PRH1: variants seen among roughly 807,000 people sequenced by gnomAD.
PRH1 encodes salivary acidic proline-rich phosphoprotein 1/2.
In PRH1, 7 loss-of-function variants were observed where a neutral mutation model predicts 7.9. The observed-to-expected ratio is 0.89, with a 90% CI of 0.50 to 1.67. The LOEUF is 1.67. Among genes scored for constraint, PRH1 ranks in the 40% most tolerant of loss-of-function variants. PRH1 has a pLI of 0.00. For missense variants in PRH1, 109 were observed against 223.6 expected, an observed-to-expected ratio of 0.49 and a Z score of 3.27; for synonymous variants, 45 against 80.8, an observed-to-expected ratio of 0.56 and a Z score of 2.38.
At chr12:11,063,578 G>C (rs1307779252) in intron 1 of PRH1, among the ~76,000 whole-genome samples, 1 of 152,038 alleles carries the variant, frequency 6.6e-6, no homozygotes, top group Non-Finnish European at 1.5e-5. Context: ...CAACATGTGA[G>C]ATATAAACAT....
chr12:10,978,730 AC>A (rs1268081102), intron 1 of PRH1, among the ~76,000 whole-genome samples: 1 of 152,208 alleles, frequency 6.6e-6, no homozygotes, highest in Non-Finnish European at 1.5e-5. Flanking sequence ...CGAGCAAAAA[AC>A]AAACACCTCC....
At chr12:11,162,467 T>C (rs944788012) in intron 1 of PRH1, among the ~76,000 whole-genome samples, 1 of 152,198 alleles carries the variant, frequency 6.6e-6, no homozygotes, top group Non-Finnish European at 1.5e-5. Flanking sequence ...TTGGAAGTGG[T>C]AAACAGAACT....
intron 1 of PRH1, among the ~76,000 whole-genome samples, chr12:11,151,137 C>A (rs1349177042): frequency 6.6e-6 from 1 of 152,212 alleles, no homozygotes; most frequent in Non-Finnish European, 1.5e-5. Flanking sequence ...CCTGATACTA[C>A]CCACCTCTCT....
chr12:11,097,228 C>A, intron 1 of PRH1: 1 of 260,270 alleles, frequency 3.8e-6, no homozygotes, highest in South Asian at 2.5e-5. Context: ...CTTTAAGTCC[C>A]ATGGAAACAA....
At chr12:11,065,695 A>T (rs1943778519) in intron 1 of PRH1, among the ~76,000 whole-genome samples, 1 of 152,218 alleles carries the variant, frequency 6.6e-6, no homozygotes, top group African/African-American at 2.4e-5. Context: ...AAGTATTTAT[A>T]ACACCAACTT....
intron 1 of PRH1, among the ~76,000 whole-genome samples, chr12:11,100,393 T>G (rs373833812): frequency 1.3e-5 from 2 of 152,212 alleles, no homozygotes; most frequent in African/African-American, 4.8e-5. Flanking sequence ...GGAAATTGAT[T>G]TGATGTGAGG....
intron 1 of PRH1, chr12:11,078,731 A>C (rs1396113885): frequency 5.9e-5 from 9 of 151,942 alleles, no homozygotes; most frequent in Non-Finnish European, 1.5e-5. Flanking sequence ...CTTGGTCATA[A>C]CTAGGATCAC....
chr12:10,930,535 G>T (rs146595547), intron 2 of PRH1: 16 of 1,519,400 alleles, frequency 1.1e-5, no homozygotes, highest in African/African-American at 2.8e-5. Flanking sequence ...CCTTGGGAAG[G>T]GGGGAGGTTG....
At chr12:11,161,065 T>C (rs939086906) in intron 1 of PRH1, among the ~76,000 whole-genome samples, 2 of 152,202 alleles carry the variant, frequency 1.3e-5, no homozygotes, top group African/African-American at 2.4e-5. Flanking sequence ...GTGGAAATTA[T>C]GTGCACTACT....
chr12:11,032,211 C>A (rs1431267819), intron 1 of PRH1, among the ~76,000 whole-genome samples: 1 of 152,158 alleles, frequency 6.6e-6, no homozygotes, highest in Non-Finnish European at 1.5e-5. Flanking sequence ...TGTAACCTCT[C>A]CATCATTTAT....
At chr12:10,895,517 A>G (rs1949632056) in intron 2 of PRH1, 1 of 152,186 alleles carries the variant, frequency 6.6e-6, no homozygotes, top group Non-Finnish European at 1.5e-5. Flanking sequence ...TTTCCATTTC[A>G]TCCAGAGGAA....
rs376472781 is a variant in PRH1 at position 11,087,102 on chromosome 12, GT to G, written n.124-39915del. ...AAGATACCAGTGAGAAGTTAAACTT[GT>G]TTTTTTTTTTTCTTCTGAGACACAG... On this transcript the variant is annotated intron_variant and non_coding_transcript_variant, in intron 1 of 4. Coordinates refer to the PRH1 transcript ENST00000541977. 1.0e-3 allele frequency among the ~76,000 whole-genome samples: 88 copies of G among 86,820 alleles called. 16 individuals carry two copies. Among genetic ancestry groups the G allele is most frequent in the Admixed American group, 1.1e-3 (9 of 8,190 alleles). The allele number at this position is 86,820 out of a possible 152,430, so 57.0% of individuals were successfully genotyped here. A position where few individuals can be genotyped will look rare whatever the true frequency, so the allele number is the denominator to read the frequency against.
chr12:10,953,415 T>C (rs1216833791), intron 2 of PRH1, among the ~76,000 whole-genome samples: 4 of 151,966 alleles, frequency 2.6e-5, no homozygotes, highest in Non-Finnish European at 4.4e-5. Context: ...TAAGAAAAAA[T>C]CCAACTGATC....
chr12:11,061,968 C>G (rs1467227990), intron 1 of PRH1: 2 of 1,613,864 alleles, frequency 1.2e-6, no homozygotes, highest in Non-Finnish European at 1.7e-6. Context: ...AATTGGCAAT[C>G]TTGAGCAAAT....
chr12:10,944,858 T>C (rs1950461384), intron 2 of PRH1, among the ~76,000 whole-genome samples: 1 of 152,190 alleles, frequency 6.6e-6, no homozygotes, highest in Non-Finnish European at 1.5e-5. Flanking sequence ...TGATGAATCA[T>C]ATTTATTGAT....
At chr12:10,933,762 A>G (rs1325643934) in intron 2 of PRH1, among the ~76,000 whole-genome samples, 2 of 152,120 alleles carry the variant, frequency 1.3e-5, no homozygotes, top group Admixed American at 1.3e-4. Context: ...TGTATCTGCA[A>G]CACCCTGAAA....
At chr12:11,102,175 G>A (rs1945275834) in intron 1 of PRH1, among the ~76,000 whole-genome samples, 1 of 152,072 alleles carries the variant, frequency 6.6e-6, no homozygotes, top group Non-Finnish European at 1.5e-5. Context: ...TTTCTTCACA[G>A]AATTGGAAAA....
At chr12:10,917,017 A>G (rs1045106532) in intron 2 of PRH1, among the ~76,000 whole-genome samples, 3 of 152,346 alleles carry the variant, frequency 2.0e-5, no homozygotes, top group Middle Eastern at 3.4e-3. Flanking sequence ...CCCAGGCTGC[A>G]GTGAGCCATG....
chr12:11,069,250 T>C (rs548438099), intron 1 of PRH1, among the ~76,000 whole-genome samples: 3 of 152,200 alleles, frequency 2.0e-5, no homozygotes, highest in East Asian at 1.9e-4. Context: ...AATTTGACAT[T>C]TGAAGGAAAA....
Sources: gnomAD v4.1 joint callset for allele counts (sites outside exome capture counted in the v4.1 genomes callset) on GRCh38, gnomAD v4.1.1 for gene constraint, MANE v1.5 for transcripts, NCBI Gene and HGNC (gene_info 2026-07-23, HGNC 2026-07-21) for gene names.